The following ZBTB22 variants were observed in gnomAD, a reference collection of about 807,000 sequenced individuals.
ZBTB22 encodes the protein zinc finger and BTB domain-containing protein 22.
For missense variants in ZBTB22, 668 were observed against 834.1 expected, an observed-to-expected ratio of 0.80 and a Z score of 2.45; for synonymous variants, 356 against 347.3, an observed-to-expected ratio of 1.03 and a Z score of -0.28.
In ZBTB22 at chr6:33,315,327, C is replaced by T; in HGVS notation, c.1590G>A (p.Glu530=). 1 of 1,614,182 alleles carries T rather than the reference C, an allele frequency of 6.2e-7. No individual in the cohort carries two copies. Among genetic ancestry groups the T allele is most frequent in the Non-Finnish European group, 8.5e-7 (1 of 1,180,036 alleles). Reference sequence around the variant, plus strand: ...TGAGACCTGTGTGCGTCTTCATGTGCTCAGTCAGATGGTGCTTCATCTTGA... The same window carrying T: ...TGAGACCTGTGTGCGTCTTCATGTGTTCAGTCAGATGGTGCTTCATCTTGA... ...KKFKMKHHLT[E]HMKTHTGLKP... Residue 530 remains glutamate (E), a synonymous_variant, in exon 2 of 2, where the codon GAG becomes GAA. Transcript: ENST00000431845. The surrounding 1 kb of genome is among the most constrained non-coding windows in gnomAD (Gnocchi z 5.4).
At chr6:33,317,483 C>A (rs1769969928) in intron 1 of ZBTB22, among the ~76,000 whole-genome samples, 170 bp downstream of exon 1, 1 of 68,948 alleles carries the variant, frequency 1.5e-5, no homozygotes, top group African/African-American at 3.3e-5. Context: ...AGCCCCGCCC[C>A]TTTCCAGGCC....
rs1299410854 is a variant in ZBTB22, at chr6:33,315,327, CTCAG to C, written c.1586_1589del (p.Thr529SerfsTer3). 1 of 1,614,182 alleles carries C rather than the reference CTCAG, an allele frequency of 6.2e-7. No individual in the cohort carries two copies. The highest frequency in any genetic ancestry group is 8.5e-7 in the Non-Finnish European group (1 of 1,180,036). Reference sequence around the variant, plus strand: ...TGAGACCTGTGTGCGTCTTCATGTGCTCAGTCAGATGGTGCTTCATCTTGAACTT... The same window carrying C: ...TGAGACCTGTGTGCGTCTTCATGTGCTCAGATGGTGCTTCATCTTGAACTT... On this transcript the variant is annotated frameshift_variant, in exon 2 of 2. Transcript: ENST00000431845. LOFTEE classifies it low-confidence loss of function (END_TRUNC). The surrounding 1 kb of genome is among the most constrained non-coding windows in gnomAD (Gnocchi z 5.4).
rs777882952 is a variant in ZBTB22, at chr6:33,315,318, C to T, written c.1599G>A (p.Lys533=). 3 of 1,614,164 alleles carry T rather than the reference C, an allele frequency of 1.9e-6. No homozygotes were observed. The South Asian group carries it at 3.3e-5, about 18-fold the overall frequency. ...CGTAGGGCTTGAGACCTGTGTGCGT[C>T]TTCATGTGCTCAGTCAGATGGTGCT... The part of the protein sequence containing the change: ...KMKHHLTEHM[K]THTGLKPYEC... The change falls in exon 2 of 2, where the codon AAG becomes AAA. Residue 533 remains lysine (K), a synonymous_variant. Coordinates refer to ENST00000431845, the MANE Select transcript of ZBTB22 (RefSeq NM_005453.5). This position sits in a 1 kb window ranked among gnomAD's most constrained non-coding sequence, Gnocchi z 5.4.
In ZBTB22 at chr6:33,315,209, C is replaced by A; in HGVS notation, c.1708G>T (p.Gly570Cys). ...RGHCERRHRL[G>C]GVGAVPGPGT... ...GGCCCAGGTACGGCCCCGACCCCGCCCAGGCGGTGCCGGCGCTCACAGTGT... is the reference window on the plus strand; with the variant it reads ...GGCCCAGGTACGGCCCCGACCCCGCACAGGCGGTGCCGGCGCTCACAGTGT... Residue 570 changes from glycine (G) to cysteine (C), a missense_variant, in exon 2 of 2, where the codon GGC becomes TGC. Gly to Cys is a radical substitution (Grantham distance 159, BLOSUM62 -3). Transcript: ENST00000431845. This position sits in a 1 kb window ranked among gnomAD's most constrained non-coding sequence, Gnocchi z 5.4. 6.2e-7 allele frequency: 1 copy of A among 1,612,826 alleles called. No homozygotes were observed. The highest frequency in any genetic ancestry group is 8.5e-7 in the Non-Finnish European group (1 of 1,179,592).
Position 33,314,936 on chromosome 6 carries a change from C to T in ZBTB22, c.*76G>A. The T allele has an allele frequency of 1.1e-5, 16 of 1,507,648 alleles. No individual in the cohort carries two copies. Among genetic ancestry groups the T allele is most frequent in the Non-Finnish European group, 1.3e-5 (15 of 1,127,566 alleles). 93.4% of individuals were successfully genotyped at this position (1,507,648 alleles called of 1,614,324 possible). ...ACAGTAAGTGTGGTGGGAGATCACC[C>T]GGGGGCCACAGCGCCCTTGCATCGT... On this transcript the variant is annotated 3_prime_UTR_variant, in exon 2 of 2. Transcript: ENST00000431845.
chr6:33,316,053 G>T lies in ZBTB22; in HGVS notation c.864C>A (p.Pro288=), dbSNP rs143727228. The T allele has an allele frequency of 1.2e-6, 2 of 1,613,834 alleles. No homozygotes were observed. Among genetic ancestry groups the T allele is most frequent in the Non-Finnish European group, 8.5e-7 (1 of 1,179,954 alleles). Residue 288 remains proline, a synonymous_variant, in exon 2 of 2, where the codon CCC becomes CCA. Coordinates refer to ENST00000431845, the MANE Select transcript of ZBTB22 (RefSeq NM_005453.5). The surrounding 1 kb of genome is among the most constrained non-coding windows in gnomAD (Gnocchi z 7.2). ...AGTGTTTCTGTGGCATGATGCTAGG[G>T]GGTGTGTAGGTGGGTCTCCGGAGCC... is the stretch of plus-strand genomic sequence containing the variant. The part of the protein sequence containing the change: ...GAGLRRPTYT[P]PSIMPQKHWV...
Position 33,315,134 on chromosome 6 carries a change from C to A in ZBTB22, c.1783G>T (p.Val595Leu). 1 of 1,613,250 alleles carries A rather than the reference C, an allele frequency of 6.2e-7. No individual in the cohort carries two copies. Among genetic ancestry groups the A allele is most frequent in the Non-Finnish European group, 8.5e-7 (1 of 1,179,388 alleles). The change falls in exon 2 of 2, where the codon GTG becomes TTG. Residue 595 changes from valine to leucine, a missense_variant. Transcript: ENST00000431845. This position sits in a 1 kb window ranked among gnomAD's most constrained non-coding sequence, Gnocchi z 5.4. Reference sequence around the variant, plus strand: ...GCTTCGTCGCCGCTGCCCCCGCCCACTCCGGGAGACTCTCTCTTGGACGGC... The same window carrying A: ...GCTTCGTCGCCGCTGCCCCCGCCCAATCCGGGAGACTCTCTCTTGGACGGC... ...SLPSKRESPG[V>L]GGGSGDEASA...
intron 1 of ZBTB22, among the ~76,000 whole-genome samples, chr6:33,317,421 A>G (rs2150982838): frequency 1.3e-5 from 2 of 151,734 alleles, no homozygotes; most frequent in Middle Eastern, 6.8e-3. Context: ...CCCTCAGGCT[A>G]TGCCCCCCAA....
At position 33,315,807 on chromosome 6, in the gene ZBTB22, C is replaced by G; in HGVS notation, c.1110G>C (p.Lys370Asn). 6.2e-7 allele frequency: 1 copy of G among 1,612,840 alleles called. No homozygotes were observed. The highest frequency in any genetic ancestry group is 8.5e-7 in the Non-Finnish European group (1 of 1,179,236). The change falls in exon 2 of 2, where the codon AAG (lysine) becomes AAC (asparagine). Residue 370 changes from lysine to asparagine, a missense_variant. Lys to Asn is a moderately conservative substitution (Grantham distance 94). Coordinates refer to ENST00000431845, the MANE Select transcript of ZBTB22 (RefSeq NM_005453.5). This position sits in a 1 kb window ranked among gnomAD's most constrained non-coding sequence, Gnocchi z 5.4. ...DVRTLSEPPD[K>N]GEEQVNFCES... Reference sequence around the variant, plus strand: ...CACAGAAGTTGACCTGCTCCTCCCCCTTGTCTGGGGGCTCACTCAGGGTAC... The same window carrying G: ...CACAGAAGTTGACCTGCTCCTCCCCGTTGTCTGGGGGCTCACTCAGGGTAC...
intron 1 of ZBTB22, among the ~76,000 whole-genome samples, 194 bp downstream of exon 1, chr6:33,317,459 G>A (rs1442173103): frequency 2.0e-5 from 2 of 100,928 alleles, no homozygotes; most frequent in Non-Finnish European, 4.2e-5. Flanking sequence ...GCCCCCTTTC[G>A]CCCCAGCTTC....
intron 1 of ZBTB22, among the ~76,000 whole-genome samples, chr6:33,317,280 G>A (rs916304145): frequency 6.6e-6 from 1 of 152,078 alleles, no homozygotes; most frequent in African/African-American, 2.4e-5. Flanking sequence ...GGCTTCCTTC[G>A]GAATTATACC....
chr6:33,314,778 C>T lies in ZBTB22; in HGVS notation c.*234G>A, dbSNP rs1209284403. ...TGTGGAGCAGGGGCTTCAGTGTACC[C>T]ATCAGAGGGAAAGGAAGGGTTTAGT... On this transcript the variant is annotated 3_prime_UTR_variant, in exon 2 of 2. Transcript: ENST00000431845. 1.3e-6 allele frequency: 1 copy of T among 746,204 alleles called. No homozygotes were observed. Among genetic ancestry groups the T allele is most frequent in the Non-Finnish European group, 2.0e-6 (1 of 501,284 alleles). 46.2% of individuals were successfully genotyped at this position (746,204 alleles called of 1,614,324 possible). A position where few individuals can be genotyped will look rare whatever the true frequency, so the allele number is the denominator to read the frequency against.
Position 33,315,944 on chromosome 6 carries a change from C to CCT in ZBTB22, c.971_972dup (p.Glu325ArgfsTer7). 6.2e-7 allele frequency: 1 copy of CCT among 1,614,110 alleles called. No individual in the cohort carries two copies. The highest frequency in any genetic ancestry group is 8.5e-7 in the Non-Finnish European group (1 of 1,180,010). On this transcript the variant is annotated frameshift_variant, in exon 2 of 2. Coordinates refer to ENST00000431845, the MANE Select transcript of ZBTB22 (RefSeq NM_005453.5). LOFTEE classifies it low-confidence loss of function (END_TRUNC). The surrounding 1 kb of genome is among the most constrained non-coding windows in gnomAD (Gnocchi z 5.4). ...TCACAGGTCAACACCAGATCTTCCT[C>CCT]CTCCTCTTCCTCCTCCAGATCTGGG... is the stretch of plus-strand genomic sequence containing the variant.
At position 33,314,930 on chromosome 6, in the gene ZBTB22, A is replaced by C. The variant is rs1769717894; in HGVS notation, c.*82T>G. ...AGGAAGACAGTAAGTGTGGTGGGAG[A>C]TCACCCGGGGGCCACAGCGCCCTTG... is the stretch of plus-strand genomic sequence containing the variant. On this transcript the variant is annotated 3_prime_UTR_variant, in exon 2 of 2. Coordinates refer to ENST00000431845, the MANE Select transcript of ZBTB22 (RefSeq NM_005453.5). The C allele has an allele frequency of 2.7e-6, 4 of 1,504,020 alleles. No individual in the cohort carries two copies. Among genetic ancestry groups the C allele is most frequent in the Non-Finnish European group, 3.6e-6 (4 of 1,126,070 alleles). 93.2% of individuals were successfully genotyped at this position (1,504,020 alleles called of 1,614,324 possible).
chr6:33,316,669 T>C lies in ZBTB22; in HGVS notation c.248A>G (p.His83Arg). The change falls in exon 2 of 2, where the codon CAT (histidine) becomes CGT (arginine). Residue 83 changes from histidine to arginine, a missense_variant. Transcript: ENST00000431845. The surrounding 1 kb of genome is among the most constrained non-coding windows in gnomAD (Gnocchi z 7.2). Reference sequence around the variant, plus strand: ...CATGCCTTTGAGTAGGACCTGATCATGGAAGTAAGGGGAGGAGGCAGCCAG... The same window carrying C: ...CATGCCTTTGAGTAGGACCTGATCACGGAAGTAAGGGGAGGAGGCAGCCAG... The part of the protein sequence containing the change: ...AVLAASSPYF[H>R]DQVLLKGMTS... 1 of 1,614,054 alleles carries C rather than the reference T, an allele frequency of 6.2e-7. No individual in the cohort carries two copies. The highest frequency in any genetic ancestry group is 8.5e-7 in the Non-Finnish European group (1 of 1,180,014).
In ZBTB22 at chr6:33,316,927, G is replaced by GA; in HGVS notation, c.-12dup. On this transcript the variant is annotated 5_prime_UTR_variant, in exon 2 of 2. Transcript: ENST00000431845. This position sits in a 1 kb window ranked among gnomAD's most constrained non-coding sequence, Gnocchi z 7.2. ...AGGAGATGGCTCCATGTTGTGGAGG[G>GA]AGGGGATACCCCCCCAGCCACAGGA... is the stretch of plus-strand genomic sequence containing the variant. The GA allele has an allele frequency of 6.4e-7, 1 of 1,566,666 alleles. No homozygotes were observed. The highest frequency in any genetic ancestry group is 8.6e-7 in the Non-Finnish European group (1 of 1,156,300).
upstream of ZBTB22, chr6:33,317,769 T>G (rs1355750838): frequency 1.6e-5 from 2 of 126,232 alleles, no homozygotes; most frequent in African/African-American, 6.1e-5. Context: ...CCGCTCCGCC[T>G]CCCGCCCCTC....
Position 33,314,912 on chromosome 6 carries a change from CAGTA to C in ZBTB22, c.*96_*99del, listed in dbSNP as rs1769714561. 3 of 1,494,994 alleles carry C rather than the reference CAGTA, an allele frequency of 2.0e-6. No individual in the cohort carries two copies. The highest frequency in any genetic ancestry group is 2.8e-5 in the South Asian group (2 of 71,914). 92.6% of individuals were successfully genotyped at this position (1,494,994 alleles called of 1,614,324 possible). Reference sequence around the variant, plus strand: ...ACAAGTCCACAGAGATAAAGGAAGACAGTAAGTGTGGTGGGAGATCACCCGGGGG... The same window carrying C: ...ACAAGTCCACAGAGATAAAGGAAGACAGTGTGGTGGGAGATCACCCGGGGG... On this transcript the variant is annotated 3_prime_UTR_variant, in exon 2 of 2. Coordinates refer to ENST00000431845, the MANE Select transcript of ZBTB22 (RefSeq NM_005453.5).
At position 33,314,820 on chromosome 6, in the gene ZBTB22, G is replaced by A. The variant is rs542769653; in HGVS notation, c.*192C>T. On this transcript the variant is annotated 3_prime_UTR_variant, in exon 2 of 2. Transcript: ENST00000431845. ...GGGTTTAGTTCTGGAAATACCTTGGGGGGGAGGGGTTGAGTAGTAGAATGG... is the reference window on the plus strand; with the variant it reads ...GGGTTTAGTTCTGGAAATACCTTGGAGGGGAGGGGTTGAGTAGTAGAATGG... 8.9e-5 allele frequency: 100 copies of A among 1,125,974 alleles called. No homozygotes were observed. The highest frequency in any genetic ancestry group is 3.9e-4 in the African/African-American group (25 of 63,774). 69.7% of individuals were successfully genotyped at this position (1,125,974 alleles called of 1,614,324 possible).
Sources: allele counts gnomAD v4.1 joint callset (sites outside exome capture counted in the v4.1 genomes callset), GRCh38; gene constraint gnomAD v4.1.1; non-coding constraint Gnocchi (gnomAD v3.1); transcripts MANE v1.5; gene names NCBI Gene and HGNC (gene_info 2026-07-23, HGNC 2026-07-21).